Variants in PPARGC1A observed in about 807,000 individuals in gnomAD.
PPARGC1A encodes peroxisome proliferator-activated receptor gamma coactivator 1-alpha.
Under a neutral mutation model 88.7 loss-of-function variants are expected in PPARGC1A, and 25 were observed. That is an observed-to-expected ratio of 0.28 (90% CI 0.21 to 0.39). PPARGC1A has a LOEUF of 0.39. PPARGC1A is among the 10% of genes least tolerant of loss of function. The probability of loss-of-function intolerance (pLI) is 1.00; values close to 1 mark genes in which losing one functional copy is unlikely to be tolerated. For synonymous variants in PPARGC1A, 363 were observed against 355.6 expected (o/e 1.02, Z -0.24); for missense variants, 880 against 968.7 (o/e 0.91, Z 1.22).
rs1389229353 is a variant in PPARGC1A, at chr4:23,792,208, A to G, written c.*3614T>C. 2 of 152,630 alleles carry G rather than the reference A, an allele frequency of 1.3e-5. No homozygotes were observed. The highest frequency in any genetic ancestry group is 2.4e-5 in the African/African-American group (1 of 41,462). The allele number at this position is 152,630 out of a possible 1,614,324, so 9.5% of individuals were successfully genotyped here. A position where few individuals can be genotyped will look rare whatever the true frequency, so the allele number is the denominator to read the frequency against. ...CACTTTCCCTCTTCAGCATAGTTCAACCAACAGTATTACACTTTCACCTAC... is the reference window on the plus strand; with the variant it reads ...CACTTTCCCTCTTCAGCATAGTTCAGCCAACAGTATTACACTTTCACCTAC... On this transcript the variant is annotated 3_prime_UTR_variant, in exon 13 of 13. Coordinates refer to ENST00000264867, the MANE Select transcript of PPARGC1A (RefSeq NM_013261.5).
At chr4:24,242,181 G>A in the PPARGC1A span, among the ~76,000 whole-genome samples, 1 of 152,140 alleles carries the variant, frequency 6.6e-6, no homozygotes, top group Non-Finnish European at 1.5e-5. Context: ...CCACAGCCGA[G>A]TGACAGTTCT....
the PPARGC1A span, among the ~76,000 whole-genome samples, chr4:24,443,137 T>C: frequency 1.4e-3 from 218 of 152,328 alleles, no homozygotes; most frequent in Non-Finnish European, 2.4e-3. Flanking sequence ...TATGCTTTTT[T>C]AACCTGCACA....
At chr4:24,387,705 C>T in the PPARGC1A span, among the ~76,000 whole-genome samples, 1 of 147,402 alleles carries the variant, frequency 6.8e-6, no homozygotes, top group South Asian at 2.1e-4. Flanking sequence ...CCACTGCACT[C>T]CAGCCTGGCA....
the PPARGC1A span, among the ~76,000 whole-genome samples, chr4:24,322,765 G>A: frequency 6.6e-6 from 1 of 152,290 alleles, no homozygotes; most frequent in African/African-American, 2.4e-5. Context: ...TGATTTTTGG[G>A]AGAGTCAGGT....
intron 7 of PPARGC1A, among the ~76,000 whole-genome samples, chr4:23,819,343 C>T (rs958000131): frequency 6.6e-6 from 1 of 152,142 alleles, no homozygotes; most frequent in Admixed American, 6.6e-5. Context: ...GAGTGGCCTG[C>T]CTCCAGTACA....
the PPARGC1A span, among the ~76,000 whole-genome samples, chr4:24,449,020 C>T: frequency 2.0e-3 from 308 of 152,296 alleles, 3 homozygotes; most frequent in East Asian, 0.037. Flanking sequence ...CATCATAAAA[C>T]GTTGTTTTCC....
the PPARGC1A span, among the ~76,000 whole-genome samples, chr4:24,148,205 C>A: frequency 6.6e-6 from 1 of 152,184 alleles, no homozygotes; most frequent in Non-Finnish European, 1.5e-5. Context: ...CCTGATCTCA[C>A]AACCAAATAT....
the PPARGC1A span, among the ~76,000 whole-genome samples, chr4:23,991,846 G>A: frequency 6.6e-6 from 1 of 152,018 alleles, no homozygotes; most frequent in Non-Finnish European, 1.5e-5. Flanking sequence ...AAGGTAAGAA[G>A]TCAAGACATA....
At chr4:24,221,122 T>C in the PPARGC1A span, among the ~76,000 whole-genome samples, 5 of 152,026 alleles carry the variant, frequency 3.3e-5, no homozygotes, top group Non-Finnish European at 5.9e-5. Context: ...AATAACAAAA[T>C]TGAACAGAGA....
At chr4:24,208,357 C>T in the PPARGC1A span, among the ~76,000 whole-genome samples, 12 of 151,818 alleles carry the variant, frequency 7.9e-5, no homozygotes, top group African/African-American at 2.4e-4. Flanking sequence ...GGGAGAAGTT[C>T]GAACTGCCTT....
the PPARGC1A span, among the ~76,000 whole-genome samples, chr4:24,365,797 C>T: frequency 2.0e-5 from 3 of 151,976 alleles, no homozygotes; most frequent in Non-Finnish European, 4.4e-5. Flanking sequence ...TCTTCTTATA[C>T]ATTTTGTTGC....
the PPARGC1A span, among the ~76,000 whole-genome samples, chr4:24,110,972 A>G: frequency 6.6e-6 from 1 of 152,196 alleles, no homozygotes; most frequent in Non-Finnish European, 1.5e-5. Flanking sequence ...TACATAAATA[A>G]CTTAAATACT....
chr4:24,376,111 C>T, the PPARGC1A span, among the ~76,000 whole-genome samples: 1 of 152,048 alleles, frequency 6.6e-6, no homozygotes, highest in African/African-American at 2.4e-5. Context: ...ATACATTTTA[C>T]TTTCCTTTGG....
chr4:23,938,163 TAA>T, the PPARGC1A span, among the ~76,000 whole-genome samples: 1 of 151,700 alleles, frequency 6.6e-6, no homozygotes, highest in East Asian at 1.9e-4. Flanking sequence ...GGAAAACCAG[TAA>T]AAAAAATTCA....
At chr4:23,897,909 C>T (rs528415108) in intron 1 of PPARGC1A, among the ~76,000 whole-genome samples, 10 of 152,172 alleles carry the variant, frequency 6.6e-5, no homozygotes, top group Admixed American at 5.9e-4. Context: ...AGACCGAGTC[C>T]CTGCATGCAC....
At chr4:23,831,493 T>C in intron 3 of PPARGC1A, 64 bp downstream of exon 3, 1 of 1,427,684 alleles carries the variant, frequency 7.0e-7, no homozygotes, top group Non-Finnish European at 9.8e-7. Flanking sequence ...GACTACATCA[T>C]ACCCATGCAG....
At chr4:24,216,556 C>T in the PPARGC1A span, among the ~76,000 whole-genome samples, 2 of 152,090 alleles carry the variant, frequency 1.3e-5, no homozygotes, top group Admixed American at 6.5e-5. Flanking sequence ...TGAGAAAATC[C>T]GCTGAGACTT....
the PPARGC1A span, among the ~76,000 whole-genome samples, chr4:24,298,782 A>G: frequency 2.2e-3 from 336 of 152,278 alleles, 1 homozygote; most frequent in Non-Finnish European, 3.8e-3. Context: ...CTAGAAACAG[A>G]TGTCTAAGAA....
chr4:24,197,674 T>C, the PPARGC1A span, among the ~76,000 whole-genome samples: 3 of 152,092 alleles, frequency 2.0e-5, no homozygotes, highest in African/African-American at 7.2e-5. Context: ...AATGTCTCTT[T>C]CAAAAAAATC....
Sources: allele counts gnomAD v4.1 joint callset (sites outside exome capture counted in the v4.1 genomes callset), GRCh38; gene constraint gnomAD v4.1.1; transcripts MANE v1.5; gene names NCBI Gene and HGNC (gene_info 2026-07-23, HGNC 2026-07-21).